TANK: variants seen among roughly 807,000 people sequenced by gnomAD.
TANK encodes TRAF family member associated NFKB activator.
TANK carries 15 observed loss-of-function variants against 43.6 expected under a neutral mutation model. That is an observed-to-expected ratio of 0.34 (90% confidence interval 0.23 to 0.53). The LOEUF is 0.53. Ranked by LOEUF, TANK falls within the 20% of genes least tolerant of loss-of-function variation. The probability of loss-of-function intolerance (pLI) is 0.94; values close to 1 mark genes in which losing one functional copy is unlikely to be tolerated. For synonymous variants in TANK, 162 were observed against 178.2 expected, an observed-to-expected ratio of 0.91 and a Z score of 0.73; for missense variants, 417 against 498.6, an observed-to-expected ratio of 0.84 and a Z score of 1.56.
chr2:161,173,384 CTTG>C (rs1685037632), intron 1 of TANK, among the ~76,000 whole-genome samples: 3 of 152,292 alleles, frequency 2.0e-5, no homozygotes. Flanking sequence ...TCATTCTCTA[CTTG>C]TTGAAACTCT....
intron 2 of TANK, among the ~76,000 whole-genome samples, chr2:161,201,773 G>C (rs930125061): frequency 2.0e-5 from 3 of 152,100 alleles, no homozygotes; most frequent in African/African-American, 4.8e-5. Flanking sequence ...GTTTCTAGGG[G>C]GTTGGGTGTG....
chr2:161,224,510 AT>A (rs905249820), intron 5 of TANK, 120 bp from the exon 6 acceptor site: 140 of 467,762 alleles, frequency 3.0e-4, no homozygotes, highest in South Asian at 7.0e-4. Context: ...ATTTAAAATA[AT>A]TTTTTTTTAC....
intron 4 of TANK, among the ~76,000 whole-genome samples, chr2:161,214,800 A>AT (rs1687046737): frequency 1.3e-5 from 2 of 152,178 alleles, no homozygotes; most frequent in African/African-American, 4.8e-5. Context: ...GAATCAGAGA[A>AT]AAAGGACTTT....
intron 2 of TANK, among the ~76,000 whole-genome samples, chr2:161,182,181 A>G (rs1685458897): frequency 6.6e-6 from 1 of 152,038 alleles, no homozygotes; most frequent in Non-Finnish European, 1.5e-5. Flanking sequence ...CATTAAGAAG[A>G]CTTGACAATT....
At chr2:161,217,631 T>C (rs962681529) in intron 4 of TANK, among the ~76,000 whole-genome samples, 2 of 99,328 alleles carry the variant, frequency 2.0e-5, no homozygotes, top group South Asian at 3.4e-4. Flanking sequence ...GTGTGTGTGT[T>C]GTCCAAAGTT....
intron 1 of TANK, among the ~76,000 whole-genome samples, chr2:161,139,539 T>C (rs1416969662): frequency 2.0e-5 from 3 of 152,218 alleles, no homozygotes; most frequent in African/African-American, 4.8e-5. Context: ...TATTGTGATA[T>C]GAAAATGATT....
chr2:161,159,109 G>C (rs1168393329), upstream of TANK: 4 of 152,196 alleles, frequency 2.6e-5, no homozygotes, highest in Non-Finnish European at 5.9e-5. Flanking sequence ...ATGCAAAATG[G>C]TAGCCACTTT....
At chr2:161,165,425 A>G (rs1219371727) in intron 1 of TANK, among the ~76,000 whole-genome samples, 3 of 152,220 alleles carry the variant, frequency 2.0e-5, no homozygotes, top group Non-Finnish European at 2.9e-5. Context: ...TGGTTTTACT[A>G]TTCACAACCA....
chr2:161,148,925 G>GT (rs544066446), intron 1 of TANK, among the ~76,000 whole-genome samples: 8 of 152,098 alleles, frequency 5.3e-5, no homozygotes, highest in Non-Finnish European at 1.0e-4. Flanking sequence ...ATTGGGAAGC[G>GT]TGAGTCTTCC....
At chr2:161,194,704 T>C (rs1686065830) in intron 2 of TANK, among the ~76,000 whole-genome samples, 1 of 152,224 alleles carries the variant, frequency 6.6e-6, no homozygotes, top group East Asian at 1.9e-4. Context: ...CTAAGGCTTA[T>C]GCTACCTCTA....
intron 1 of TANK, among the ~76,000 whole-genome samples, chr2:161,144,913 T>G (rs557043536): frequency 6.6e-5 from 10 of 152,226 alleles, no homozygotes; most frequent in Admixed American, 5.2e-4. Context: ...AGTCTCCCAC[T>G]ATTATTGTGT....
In TANK at chr2:161,179,680, C is replaced by T. The variant is rs376080393; in HGVS notation, c.18C>T (p.Gly6=). 12 of 1,612,846 alleles carry T rather than the reference C, an allele frequency of 7.4e-6. 1 individual carries two copies. Among genetic ancestry groups the T allele is most frequent in the African/African-American group, 4.0e-5 (3 of 74,824 alleles). Residue 6 remains glycine, a synonymous_variant, in exon 2 of 8, where the codon GGC becomes GGT. Coordinates refer to ENST00000392749, the MANE Select transcript of TANK (RefSeq NM_001199135.3). The part of the protein sequence containing the change: MDKNI[G]EQLNKAYEAF... ...GAAGAGGAATGGATAAAAACATTGG[C>T]GAGCAACTCAATAAAGCGTATGAAG... is the stretch of plus-strand genomic sequence containing the variant.
intron 4 of TANK, among the ~76,000 whole-genome samples, chr2:161,213,164 C>G (rs1443084113): frequency 6.6e-6 from 1 of 152,210 alleles, no homozygotes; most frequent in Non-Finnish European, 1.5e-5. Flanking sequence ...GATCTGCCCC[C>G]ATGACCCAGA....
At chr2:161,186,278 A>G (rs751989199) in intron 2 of TANK, among the ~76,000 whole-genome samples, 4 of 151,630 alleles carry the variant, frequency 2.6e-5, no homozygotes, top group Non-Finnish European at 5.9e-5. Context: ...ATCTCCTACC[A>G]CTCTATTCTC....
At chr2:161,144,114 A>G (rs568846431) in intron 1 of TANK, among the ~76,000 whole-genome samples, 1 of 152,112 alleles carries the variant, frequency 6.6e-6, no homozygotes, top group African/African-American at 2.4e-5. Context: ...TGTTTATAGT[A>G]TTTGCTGATA....
At chr2:161,154,804 G>C (rs1684179593) in intron 1 of TANK, among the ~76,000 whole-genome samples, 1 of 151,100 alleles carries the variant, frequency 6.6e-6, no homozygotes, top group African/African-American at 2.4e-5. Flanking sequence ...GAGTACAGTG[G>C]TGCCATCTCA....
intron 2 of TANK, 138 bp downstream of exon 2, chr2:161,179,899 G>T: frequency 1.6e-6 from 2 of 1,277,770 alleles, no homozygotes; most frequent in African/African-American, 1.5e-5. Context: ...TATATTAATG[G>T]ATTAAATTTG....
intron 2 of TANK, among the ~76,000 whole-genome samples, chr2:161,187,886 A>G (rs1685736763): frequency 6.6e-6 from 1 of 152,266 alleles, no homozygotes; most frequent in Non-Finnish European, 1.5e-5. Context: ...AAATGAAACT[A>G]GAAGTCAGCA....
intron 2 of TANK, among the ~76,000 whole-genome samples, chr2:161,196,766 G>A (rs891606111): frequency 6.6e-6 from 1 of 152,164 alleles, no homozygotes; most frequent in Non-Finnish European, 1.5e-5. Flanking sequence ...TGAGGCAGGA[G>A]AATCACTTGA....
Sources: gnomAD v4.1 joint callset for allele counts (sites outside exome capture counted in the v4.1 genomes callset) on GRCh38, gnomAD v4.1.1 for gene constraint, MANE v1.5 for transcripts, NCBI Gene and HGNC (gene_info 2026-07-23, HGNC 2026-07-21) for gene names.